DGKG: variants seen among roughly 807,000 people sequenced by gnomAD.
DGKG encodes DAG kinase gamma.
DGKG carries 78 observed loss-of-function variants against 105.3 expected under a neutral mutation model. The ratio of observed to expected loss-of-function variants is 0.74; its 90% confidence interval spans 0.62 to 0.89. DGKG has a LOEUF of 0.89. DGKG is among the 40% of genes least tolerant of loss of function. DGKG has a pLI of 0.00. For missense variants in DGKG, 958 were observed against 1,020.1 expected (o/e 0.94, Z 0.83); for synonymous variants, 346 against 367.1 (o/e 0.94, Z 0.66).
At chr3:186,289,176 C>A (rs1172959266) in intron 5 of DGKG, among the ~76,000 whole-genome samples, 1 of 152,144 alleles carries the variant, frequency 6.6e-6, no homozygotes. Flanking sequence ...TATCAATAAT[C>A]AACAGGTAAA....
At chr3:186,317,013 C>T (rs1277859187) in intron 2 of DGKG, among the ~76,000 whole-genome samples, 2 of 152,192 alleles carry the variant, frequency 1.3e-5, no homozygotes, top group Non-Finnish European at 2.9e-5. Flanking sequence ...CTCATCCAGT[C>T]CCGCGACATG....
chr3:186,197,537 C>G (rs2268849), intron 21 of DGKG, among the ~76,000 whole-genome samples: 1 of 151,930 alleles, frequency 6.6e-6, no homozygotes, highest in Admixed American at 6.5e-5. Context: ...TAGGTAAGAA[C>G]GAGGCAGTGG....
At chr3:186,275,512 G>A in intron 10 of DGKG, 35 bp downstream of exon 10, 1 of 1,555,438 alleles carries the variant, frequency 6.4e-7, no homozygotes, top group Non-Finnish European at 8.9e-7. Context: ...GCAAGATAGT[G>A]CCTGGGGGAA....
intron 2 of DGKG, among the ~76,000 whole-genome samples, chr3:186,315,221 G>A (rs1158685788): frequency 6.6e-6 from 1 of 152,112 alleles, no homozygotes; most frequent in African/African-American, 2.4e-5. Context: ...TCCATCTTGG[G>A]CAGATTTGAC....
chr3:186,232,774 A>G (rs1720215798), intron 20 of DGKG, among the ~76,000 whole-genome samples: 1 of 152,236 alleles, frequency 6.6e-6, no homozygotes, highest in African/African-American at 2.4e-5. Flanking sequence ...ATAATTCCAT[A>G]TATTTCTACA....
chr3:186,321,202 G>C (rs1725059856), intron 1 of DGKG, among the ~76,000 whole-genome samples: 2 of 152,180 alleles, frequency 1.3e-5, no homozygotes, highest in Non-Finnish European at 1.5e-5. Flanking sequence ...TAGAGGAATG[G>C]GCTGCTGGCC....
chr3:186,196,928 C>A (rs940415900), intron 21 of DGKG, among the ~76,000 whole-genome samples: 12 of 151,974 alleles, frequency 7.9e-5, no homozygotes, highest in Non-Finnish European at 1.6e-4. Flanking sequence ...AAGATGGGAT[C>A]TAAAAGGATA....
intron 9 of DGKG, among the ~76,000 whole-genome samples, chr3:186,278,101 TG>T (rs2108592767): frequency 6.6e-6 from 1 of 152,306 alleles, no homozygotes; most frequent in East Asian, 1.9e-4. Context: ...GGGAGAATGC[TG>T]AGGAAGTAGA....
At chr3:186,285,073 A>G (rs1723001197) in intron 6 of DGKG, among the ~76,000 whole-genome samples, 1 of 152,182 alleles carries the variant, frequency 6.6e-6, no homozygotes, top group Non-Finnish European at 1.5e-5. Context: ...TTGAGCATAG[A>G]AAGTGTAGAG....
At chr3:186,270,137 G>GT (rs3831851) in intron 11 of DGKG, among the ~76,000 whole-genome samples, 1 of 151,836 alleles carries the variant, frequency 6.6e-6, no homozygotes, top group Admixed American at 6.6e-5. Context: ...GAATAAACGT[G>GT]TTTTTTTTGA....
intron 20 of DGKG, among the ~76,000 whole-genome samples, chr3:186,228,230 T>C (rs756721578): frequency 3.3e-5 from 5 of 152,170 alleles, no homozygotes; most frequent in Non-Finnish European, 7.3e-5. Context: ...TTTCCAGCCC[T>C]GATGTGTACT....
At chr3:186,165,339 AC>A (rs1199363380) in intron 22 of DGKG, among the ~76,000 whole-genome samples, 2 of 152,182 alleles carry the variant, frequency 1.3e-5, no homozygotes, top group African/African-American at 4.8e-5. Flanking sequence ...ATTATTTTCA[AC>A]CCCTATGCAG....
intron 20 of DGKG, among the ~76,000 whole-genome samples, chr3:186,229,920 T>C (rs775697490): frequency 3.3e-5 from 5 of 152,134 alleles, no homozygotes; most frequent in Non-Finnish European, 7.4e-5. Flanking sequence ...CAATGAATTA[T>C]AGAAGACAAA....
chr3:186,202,014 G>A (rs182006557), intron 21 of DGKG, among the ~76,000 whole-genome samples: 2 of 152,310 alleles, frequency 1.3e-5, no homozygotes, highest in Admixed American at 1.3e-4. Flanking sequence ...AGGGCATATG[G>A]GCTGGGGATC....
chr3:186,281,237 C>A (rs1479231126), intron 7 of DGKG: 1 of 155,260 alleles, frequency 6.4e-6, no homozygotes, highest in African/African-American at 2.4e-5. Context: ...GATTTTGATT[C>A]CTTTTGTTAT....
chr3:186,219,046 GTAA>G (rs1365755364), intron 20 of DGKG, among the ~76,000 whole-genome samples: 2 of 149,238 alleles, frequency 1.3e-5, no homozygotes, highest in Admixed American at 6.7e-5. Flanking sequence ...ATAAATATTA[GTAA>G]TAATATTGAC....
At chr3:186,233,117 G>A (rs1413936910) in intron 20 of DGKG, among the ~76,000 whole-genome samples, 1 of 152,154 alleles carries the variant, frequency 6.6e-6, no homozygotes, top group African/African-American at 2.4e-5. Flanking sequence ...GGCGAAGGGG[G>A]AATTAAGGTT....
intron 21 of DGKG, among the ~76,000 whole-genome samples, chr3:186,204,892 G>A (rs1041423241): frequency 1.3e-5 from 2 of 152,168 alleles, no homozygotes; most frequent in African/African-American, 4.8e-5. Context: ...AGCAGTGTCT[G>A]AGAGTTCCCA....
At chr3:186,315,911 C>A (rs1337856245) in intron 2 of DGKG, among the ~76,000 whole-genome samples, 1 of 152,230 alleles carries the variant, frequency 6.6e-6, no homozygotes, top group African/African-American at 2.4e-5. Context: ...GTTCTAGGAT[C>A]TCTGATCCCA....
Sources: allele counts gnomAD v4.1 joint callset (sites outside exome capture counted in the v4.1 genomes callset), GRCh38; gene constraint gnomAD v4.1.1; transcripts MANE v1.5; gene names NCBI Gene and HGNC (gene_info 2026-07-23, HGNC 2026-07-21).